The following TBC1D8 variants were observed in gnomAD, a reference collection of about 807,000 sequenced individuals.
The protein encoded by TBC1D8 is TBC1 domain family member 8, also known as BUB2-like protein 1.
In TBC1D8, 65 loss-of-function variants were observed where a neutral mutation model predicts 118.8. That is an observed-to-expected ratio of 0.55 (90% CI 0.45 to 0.67). TBC1D8 has a LOEUF of 0.67. Ranked by LOEUF, TBC1D8 falls within the 30% of genes least tolerant of loss-of-function variation. The pLI, the probability that TBC1D8 is intolerant of heterozygous loss-of-function variation, is 0.00. For synonymous variants in TBC1D8, 566 were observed against 595.8 expected (o/e 0.95, Z 0.73); for missense variants, 1,376 against 1,471.2 (o/e 0.94, Z 1.06).
chr2:101,140,394 T>TG (rs1679050934), intron 1 of TBC1D8, among the ~76,000 whole-genome samples: 1 of 152,186 alleles, frequency 6.6e-6, no homozygotes, highest in African/African-American at 2.4e-5. Flanking sequence ...CTAGACATTT[T>TG]GAAGGCTAAA....
chr2:101,009,692 G>A (rs1030990735), intron 19 of TBC1D8, among the ~76,000 whole-genome samples: 2 of 151,966 alleles, frequency 1.3e-5, no homozygotes, highest in East Asian at 1.9e-4. Context: ...AACATGCTAC[G>A]AAACACTAAT....
chr2:101,056,874 G>A (rs1682469870), intron 3 of TBC1D8, among the ~76,000 whole-genome samples: 1 of 152,124 alleles, frequency 6.6e-6, no homozygotes, highest in Non-Finnish European at 1.5e-5. Flanking sequence ...TAAAAGTTTT[G>A]TAGAGTCATC....
intron 2 of TBC1D8, among the ~76,000 whole-genome samples, chr2:101,086,895 T>C (rs1248096431): frequency 2.0e-5 from 3 of 152,030 alleles, no homozygotes; most frequent in Admixed American, 1.3e-4. Flanking sequence ...GCGATTCTCC[T>C]GCCTCAGCTT....
At chr2:101,015,299 T>G (rs1679542494) in intron 17 of TBC1D8, among the ~76,000 whole-genome samples, 1 of 152,224 alleles carries the variant, frequency 6.6e-6, no homozygotes, top group African/African-American at 2.4e-5. Flanking sequence ...GTTGCAGGGC[T>G]GTGGAAGCTG....
intron 2 of TBC1D8, among the ~76,000 whole-genome samples, chr2:101,077,845 G>A: frequency 6.6e-6 from 1 of 152,310 alleles, no homozygotes; most frequent in East Asian, 1.9e-4. Flanking sequence ...CTGCTAAGGT[G>A]TAGACTTAAA....
intron 1 of TBC1D8, among the ~76,000 whole-genome samples, chr2:101,139,777 T>G (rs1679021814): frequency 6.6e-6 from 1 of 152,202 alleles, no homozygotes; most frequent in Admixed American, 6.5e-5. Flanking sequence ...CAGGTCTCAG[T>G]GGAGATCACA....
Position 101,038,573 on chromosome 2 carries a change from T to A in TBC1D8, c.1163A>T (p.Gln388Leu). ...GTCTCGGTCCCGGAGCTCAATGAAC[T>A]GGAAGGCCACCTTGCTTCTGATACT... is the stretch of plus-strand genomic sequence containing the variant. ...IVSIRSKVAF[Q>L]FIELRDRDSL... The change falls in exon 7 of 20, where the codon CAG (glutamine) becomes CTG (leucine). Residue 388 changes from glutamine (Q) to leucine (L), a missense_variant. Transcript: ENST00000409318. The A allele has an allele frequency of 6.2e-7, 1 of 1,613,836 alleles. No individual in the cohort carries two copies.
At chr2:101,048,758 T>C (rs904340800) in intron 5 of TBC1D8, among the ~76,000 whole-genome samples, 6 of 151,758 alleles carry the variant, frequency 4.0e-5, no homozygotes, top group African/African-American at 1.5e-4. Context: ...AAAAAAACAC[T>C]ATATTATTAC....
chr2:101,071,846 T>C (rs1356396380), intron 2 of TBC1D8, among the ~76,000 whole-genome samples: 1 of 152,214 alleles, frequency 6.6e-6, no homozygotes, highest in Non-Finnish European at 1.5e-5. Context: ...GTACTACAAA[T>C]TTAAAAAATC....
intron 1 of TBC1D8, among the ~76,000 whole-genome samples, chr2:101,149,273 T>C (rs1403762160): frequency 6.6e-6 from 1 of 152,114 alleles, no homozygotes; most frequent in African/African-American, 2.4e-5. Context: ...GATTTTGGAA[T>C]GAAACAGGGA....
intron 2 of TBC1D8, among the ~76,000 whole-genome samples, chr2:101,071,493 A>G (rs1287713565): frequency 6.6e-6 from 1 of 152,262 alleles, no homozygotes; most frequent in Middle Eastern, 3.2e-3. Context: ...ATTTTCTCAG[A>G]TATTAAGTAA....
At chr2:101,115,063 C>T (rs866359771) in intron 1 of TBC1D8, among the ~76,000 whole-genome samples, 5 of 152,168 alleles carry the variant, frequency 3.3e-5, no homozygotes, top group East Asian at 1.9e-4. Context: ...GGCTCAGTCA[C>T]GTGCGGATCC....
At chr2:101,117,274 G>A in intron 1 of TBC1D8, among the ~76,000 whole-genome samples, 1 of 152,142 alleles carries the variant, frequency 6.6e-6, no homozygotes, top group East Asian at 1.9e-4. Context: ...CTTAGAAACT[G>A]AGACAATGCC....
chr2:101,037,509 C>T (rs374282681), intron 8 of TBC1D8, 23 bp downstream of exon 8: 6 of 1,608,862 alleles, frequency 3.7e-6, no homozygotes, highest in Non-Finnish European at 5.1e-6. Flanking sequence ...TGTGGTCCAG[C>T]TTGGGCACCA....
At chr2:101,095,130 G>A (rs1011959348) in intron 1 of TBC1D8, among the ~76,000 whole-genome samples, 30 of 152,120 alleles carry the variant, frequency 2.0e-4, no homozygotes, top group African/African-American at 4.8e-5. Flanking sequence ...GGTTCTCACC[G>A]TGAAGAGCCA....
At chr2:101,121,755 T>A (rs1294886406) in intron 1 of TBC1D8, among the ~76,000 whole-genome samples, 1 of 152,196 alleles carries the variant, frequency 6.6e-6, no homozygotes, top group Non-Finnish European at 1.5e-5. Context: ...AGGACTGATA[T>A]ACAGAGTTCA....
At chr2:101,050,309 C>G in intron 5 of TBC1D8, 92 bp downstream of exon 5, 1 of 1,498,644 alleles carries the variant, frequency 6.7e-7, no homozygotes, top group South Asian at 1.4e-5. Flanking sequence ...CTAACATAAC[C>G]AAGGCTAACA....
chr2:101,100,948 A>T (rs564318192), intron 1 of TBC1D8, among the ~76,000 whole-genome samples: 1 of 152,362 alleles, frequency 6.6e-6, no homozygotes, highest in South Asian at 2.1e-4. Flanking sequence ...AAACCCTACA[A>T]GAAAACCTAG....
chr2:101,104,887 G>A (rs935689737), intron 1 of TBC1D8, among the ~76,000 whole-genome samples: 14 of 152,012 alleles, frequency 9.2e-5, no homozygotes, highest in African/African-American at 2.7e-4. Context: ...GGTGGCATGC[G>A]CCTGTAATCC....
Sources: gnomAD v4.1 joint callset for allele counts (sites outside exome capture counted in the v4.1 genomes callset) on GRCh38, gnomAD v4.1.1 for gene constraint, MANE v1.5 for transcripts, NCBI Gene and HGNC (gene_info 2026-07-23, HGNC 2026-07-21) for gene names.